The following KIF15 variants were observed in gnomAD, a reference collection of about 807,000 sequenced individuals.
KIF15 encodes the protein kinesin-like protein KIF15.
A neutral mutation model predicts 190.6 loss-of-function variants in KIF15; 140 were observed. The observed-to-expected ratio is 0.73, with a 90% confidence interval of 0.64 to 0.84. The LOEUF (loss-of-function observed/expected upper bound fraction) is 0.84. KIF15 is among the 40% of genes least tolerant of loss of function. The pLI, the probability that KIF15 is intolerant of heterozygous loss-of-function variation, is 0.00. For synonymous variants in KIF15, 528 were observed against 551.3 expected, an observed-to-expected ratio of 0.96 and a Z score of 0.59; for missense variants, 1,372 against 1,584.4, an observed-to-expected ratio of 0.87 and a Z score of 2.28.
intron 16 of KIF15, among the ~76,000 whole-genome samples, chr3:44,807,596 C>T (rs1575620217): frequency 4.6e-5 from 7 of 152,274 alleles, no homozygotes; most frequent in Admixed American, 6.5e-5. Flanking sequence ...CAACCAAGAA[C>T]TGGAGGCAAT....
At position 44,775,315 on chromosome 3, in the gene KIF15, T is replaced by A. The variant is rs1282039664; in HGVS notation, c.124T>A (p.Ser42Thr). The change falls in exon 3 of 35, where the codon TCA (serine) becomes ACA (threonine). Residue 42 changes from serine to threonine, a missense_variant. Ser to Thr is a moderately conservative substitution (Grantham distance 58). Transcript: ENST00000326047. ...RIRPPAERSG[S>T]ADGEQNLCLS... ...TCGTCCTCCTGCAGAAAGATCTGGG[T>A]CAGCTGATGGAGAGCAGAACTTATG... 51 of 1,613,966 alleles carry A rather than the reference T, an allele frequency of 3.2e-5. No homozygotes were observed. The highest frequency in any genetic ancestry group is 4.3e-5 in the Non-Finnish European group (51 of 1,180,016).
At chr3:44,785,939 A>T (rs1486655459) in intron 6 of KIF15, among the ~76,000 whole-genome samples, 1 of 152,142 alleles carries the variant, frequency 6.6e-6, no homozygotes, top group Non-Finnish European at 1.5e-5. Context: ...ACTAGTTATC[A>T]GCTGAGCACG....
intron 16 of KIF15, among the ~76,000 whole-genome samples, chr3:44,806,417 TA>T (rs1321377597): frequency 1.2e-4 from 18 of 152,040 alleles, no homozygotes; most frequent in Admixed American, 9.8e-4. Context: ...ATAGAAACCC[TA>T]ATGGGCAAAG....
chr3:44,796,455 G>C (rs936524098), intron 8 of KIF15, among the ~76,000 whole-genome samples: 9 of 152,228 alleles, frequency 5.9e-5, no homozygotes, highest in African/African-American at 2.2e-4. Context: ...ACTCTGGGAA[G>C]TAGGTGCTAT....
chr3:44,862,139 T>C (rs1699262198), intron 6 of KIF15: 1 of 245,752 alleles, frequency 4.1e-6, no homozygotes, highest in East Asian at 2.0e-4. Context: ...GCGCTGTTGG[T>C]GCTGCTGCTG....
intron 24 of KIF15, 51 bp downstream of exon 24, chr3:44,828,351 A>G: frequency 1.5e-6 from 2 of 1,314,262 alleles, no homozygotes; most frequent in Non-Finnish European, 2.2e-6. Context: ...TATAAATGCT[A>G]GTTTAACATT....
chr3:44,862,073 G>A lies in KIF15; in HGVS notation c.*59+9279G>A, dbSNP rs570980240. ...AACTGTCTGTGCGCCGGCGCGTTCGGGGCCCTGGCCGCCGCCTCCGCCAAG... is the reference window on the plus strand; with the variant it reads ...AACTGTCTGTGCGCCGGCGCGTTCGAGGCCCTGGCCGCCGCCTCCGCCAAG... On this transcript the variant is annotated intron_variant and NMD_transcript_variant, in intron 6 of 6. Transcript: ENST00000422209. The A allele has an allele frequency of 5.3e-6, 7 of 1,312,798 alleles. 1 individual carries two copies. In the South Asian group the frequency reaches 1.5e-4, roughly 29 times the overall value. 81.3% of individuals were successfully genotyped at this position (1,312,798 alleles called of 1,614,324 possible).
downstream of KIF15, among the ~76,000 whole-genome samples, chr3:44,855,975 G>A (rs1015473975): frequency 7.9e-5 from 12 of 152,102 alleles, no homozygotes; most frequent in South Asian, 2.1e-4. Context: ...CCATTAGTCC[G>A]TTCTACCTTT....
At chr3:44,829,773 A>G (rs1697965791) in intron 24 of KIF15, among the ~76,000 whole-genome samples, 198 bp from the exon 25 acceptor site, 1 of 141,348 alleles carries the variant, frequency 7.1e-6, no homozygotes, top group Admixed American at 7.4e-5. Context: ...TATATTATAG[A>G]TGTATATATA....
chr3:44,787,486 G>A (rs1706461482), intron 7 of KIF15, among the ~76,000 whole-genome samples: 2 of 152,042 alleles, frequency 1.3e-5, no homozygotes, highest in African/African-American at 4.8e-5. Flanking sequence ...TTCAATAAAA[G>A]ATGGAATCAA....
At chr3:44,802,087 C>T in intron 13 of KIF15, 113 bp downstream of exon 13, 1 of 690,720 alleles carries the variant, frequency 1.4e-6, no homozygotes, top group Non-Finnish European at 2.4e-6. Flanking sequence ...TAAGTGAATT[C>T]TTCTGACAGT....
chr3:44,853,990 T>G (rs1413275212), downstream of KIF15, among the ~76,000 whole-genome samples: 1 of 152,104 alleles, frequency 6.6e-6, no homozygotes, highest in East Asian at 1.9e-4. Flanking sequence ...GGAGCTAGGA[T>G]GGGAGTGGGA....
intron 11 of KIF15, 124 bp from the exon 12 acceptor site, chr3:44,801,326 C>T (rs1707269517): frequency 3.5e-6 from 2 of 569,212 alleles, no homozygotes; most frequent in South Asian, 4.6e-5. Flanking sequence ...GCCACTGTGC[C>T]CGGCCACAGT....
At chr3:44,792,347 G>T (rs1271783165) in intron 7 of KIF15, among the ~76,000 whole-genome samples, 1 of 151,814 alleles carries the variant, frequency 6.6e-6, no homozygotes, top group Non-Finnish European at 1.5e-5. Context: ...GGTGATGCAT[G>T]CCTGTACTCC....
At chr3:44,810,818 T>A (rs1366159069) in intron 16 of KIF15, 28 bp from the exon 17 acceptor site, 12 of 1,553,228 alleles carry the variant, frequency 7.7e-6, no homozygotes, top group Non-Finnish European at 1.1e-5. Context: ...TATGTGCTAA[T>A]GTTTTCCATA....
chr3:44,793,722 C>G (rs968944983), intron 7 of KIF15, among the ~76,000 whole-genome samples: 1 of 152,096 alleles, frequency 6.6e-6, no homozygotes, highest in African/African-American at 2.4e-5. Flanking sequence ...CACCCCTGTT[C>G]TAAATAGAAA....
At chr3:44,812,984 CAA>C (rs199631947) in intron 18 of KIF15, 89 bp from the exon 19 acceptor site, 3,855 of 599,782 alleles carry the variant, frequency 6.4e-3, no homozygotes, top group South Asian at 8.6e-3. Context: ...GACTCTGTCT[CAA>C]AAAAAAAAAA....
Position 44,852,286 on chromosome 3 carries a change from C to G in KIF15, c.4051C>G (p.Gln1351Glu). ...GKLVGHQNLH[Q>E]KIQYVVRLKK... The stretch of plus-strand genomic sequence containing the variant: ...GTTGGTAGGTCACCAAAATTTGCAT[C>G]AGAAGATTCAGTACGTAGTGCGACT... The change falls in exon 34 of 35, where the codon CAG becomes GAG. Residue 1351 changes from glutamine to glutamate, a missense_variant. Gln to Glu is a conservative substitution (Grantham distance 29). Transcript: ENST00000326047. 1 of 1,613,370 alleles carries G rather than the reference C, an allele frequency of 6.2e-7. No homozygotes were observed. The highest frequency in any genetic ancestry group is 8.5e-7 in the Non-Finnish European group (1 of 1,179,540).
intron 10 of KIF15, among the ~76,000 whole-genome samples, chr3:44,800,078 G>T (rs1019288865): frequency 2.0e-5 from 3 of 152,248 alleles, no homozygotes; most frequent in East Asian, 3.9e-4. Flanking sequence ...TAGTCAGCTG[G>T]GGGGCAGAGA....
Sources: allele counts gnomAD v4.1 joint callset (sites outside exome capture counted in the v4.1 genomes callset), GRCh38; gene constraint gnomAD v4.1.1; transcripts MANE v1.5; gene names NCBI Gene and HGNC (gene_info 2026-07-23, HGNC 2026-07-21).